Variants in EPHA6 observed in about 807,000 individuals in gnomAD.
EPHA6 encodes the protein EPH receptor A6, also known as ephrin type-A receptor 6.
Under a neutral mutation model 112.0 loss-of-function variants are expected in EPHA6, and 50 were observed. The observed-to-expected ratio is 0.45, with a 90% CI of 0.36 to 0.56. The LOEUF (loss-of-function observed/expected upper bound fraction) is 0.56. Ranked by LOEUF, EPHA6 falls within the 20% of genes least tolerant of loss-of-function variation. The probability of loss-of-function intolerance (pLI) is 0.00; values close to 1 mark genes in which losing one functional copy is unlikely to be tolerated. For missense variants in EPHA6, 1,280 were observed against 1,417.4 expected, an observed-to-expected ratio of 0.90 and a Z score of 1.56; for synonymous variants, 529 against 490.7, an observed-to-expected ratio of 1.08 and a Z score of -1.03.
chr3:97,673,194 G>A (rs532455412), intron 14 of EPHA6, among the ~76,000 whole-genome samples: 43 of 152,252 alleles, frequency 2.8e-4, no homozygotes, highest in South Asian at 6.2e-4. Flanking sequence ...AGAGTTGAAT[G>A]TATTTGGCTT....
intron 5 of EPHA6, among the ~76,000 whole-genome samples, chr3:97,363,226 ATATATATAT>A (rs2084496135): frequency 9.8e-5 from 7 of 71,080 alleles, no homozygotes; most frequent in Admixed American, 8.7e-4. Flanking sequence ...ATATATATAT[ATATATATAT>A]ATAAATCTCA....
intron 3 of EPHA6, among the ~76,000 whole-genome samples, chr3:97,158,746 C>T (rs1456500895): frequency 6.6e-6 from 1 of 152,056 alleles, no homozygotes; most frequent in Non-Finnish European, 1.5e-5. Context: ...CTGCATTTTA[C>T]ATAAGATAAC....
chr3:97,543,530 C>A (rs1307013701), intron 11 of EPHA6, among the ~76,000 whole-genome samples: 103 of 152,032 alleles, frequency 6.8e-4, no homozygotes, highest in Middle Eastern at 3.2e-3. Context: ...AGGTAGCGTG[C>A]TGCCTCCAGC....
intron 14 of EPHA6, among the ~76,000 whole-genome samples, chr3:97,678,590 A>G (rs1039208762): frequency 1.3e-5 from 2 of 152,200 alleles, no homozygotes; most frequent in African/African-American, 4.8e-5. Context: ...AGAGAATCCT[A>G]GAAAGGTGAT....
At chr3:97,458,347 C>G (rs1444470432) in intron 7 of EPHA6, among the ~76,000 whole-genome samples, 1 of 152,056 alleles carries the variant, frequency 6.6e-6, no homozygotes, top group African/African-American at 2.4e-5. Flanking sequence ...TTCATATTCT[C>G]TTATGCTTCT....
intron 7 of EPHA6, among the ~76,000 whole-genome samples, chr3:97,456,998 T>C (rs1372628749): frequency 6.6e-6 from 1 of 152,198 alleles, no homozygotes; most frequent in African/African-American, 2.4e-5. Flanking sequence ...TATTTTGATA[T>C]GGCTTTTCAA....
At chr3:97,554,268 C>T (rs191332342) in intron 11 of EPHA6, among the ~76,000 whole-genome samples, 154 of 152,162 alleles carry the variant, frequency 1.0e-3, no homozygotes, top group Non-Finnish European at 1.9e-3. Flanking sequence ...ATCCTTCTGC[C>T]ATCCAGTTGT....
chr3:97,330,268 T>G (rs1253922740), intron 5 of EPHA6, among the ~76,000 whole-genome samples: 1 of 152,186 alleles, frequency 6.6e-6, no homozygotes. Context: ...TCCAGCTTTG[T>G]TCTTTAGGCT....
At chr3:96,985,489 G>T (rs369695597) in intron 2 of EPHA6, among the ~76,000 whole-genome samples, 1 of 151,946 alleles carries the variant, frequency 6.6e-6, no homozygotes. Context: ...TGATAGTGCT[G>T]GTTTGCCTTT....
rs949402883 is a variant in EPHA6, at chr3:96,888,473, C to T, written c.450+21584C>T. Among the ~76,000 whole-genome samples the T allele has an allele frequency of 3.9e-5, 6 of 152,250 alleles. No homozygotes were observed. In the East Asian group the frequency reaches 5.8e-4, roughly 15 times the overall value. On this transcript the variant is annotated intron_variant, in intron 2 of 17. Transcript: ENST00000389672. The stretch of plus-strand genomic sequence containing the variant: ...CCCTCAGAGGGTCTGTGGGTCCTCT[C>T]GGGGTTGCTGGCCAAACCCGGATTC...
intron 4 of EPHA6, among the ~76,000 whole-genome samples, chr3:97,240,799 A>G (rs867965584): frequency 1.7e-4 from 26 of 151,966 alleles, no homozygotes; most frequent in African/African-American, 5.8e-4. Context: ...GGATTCAACA[A>G]AGTGAAGCAA....
intron 5 of EPHA6, among the ~76,000 whole-genome samples, chr3:97,366,386 T>C (rs987680106): frequency 6.6e-6 from 1 of 151,426 alleles, no homozygotes; most frequent in Admixed American, 6.6e-5. Flanking sequence ...CCTAAGTCAA[T>C]CCAGAAGGCA....
chr3:96,994,743 A>AGAGAGAGAGAGAGG (rs1260753901), intron 3 of EPHA6, among the ~76,000 whole-genome samples: 2 of 136,264 alleles, frequency 1.5e-5, no homozygotes, highest in African/African-American at 5.8e-5. Flanking sequence ...AGAGAGAGAG[A>AGAGAGAGAGAGAGG]GAGAGAGAGA....
chr3:97,729,903 C>T (rs1370019890), intron 15 of EPHA6, among the ~76,000 whole-genome samples: 1 of 151,966 alleles, frequency 6.6e-6, no homozygotes, highest in African/African-American at 2.4e-5. Flanking sequence ...AGGTTTTCCA[C>T]AAAGATGTGA....
intron 3 of EPHA6, among the ~76,000 whole-genome samples, chr3:97,153,958 G>A (rs1352201260): frequency 6.6e-6 from 1 of 151,970 alleles, no homozygotes; most frequent in East Asian, 1.9e-4. Context: ...CTGATGTCAG[G>A]AGTTCGAAAC....
intron 3 of EPHA6, among the ~76,000 whole-genome samples, chr3:97,095,181 C>A (rs962612411): frequency 4.6e-5 from 7 of 151,838 alleles, no homozygotes; most frequent in Non-Finnish European, 7.4e-5. Context: ...TAAAAAGCAT[C>A]CTGACTTTTT....
chr3:97,006,374 A>G (rs910093229), intron 3 of EPHA6, among the ~76,000 whole-genome samples: 10 of 151,812 alleles, frequency 6.6e-5, no homozygotes, highest in African/African-American at 2.4e-4. Flanking sequence ...TTTCTACTAG[A>G]TTTTCTAGTT....
At chr3:97,668,130 A>G (rs896968942) in intron 14 of EPHA6, among the ~76,000 whole-genome samples, 19 of 152,206 alleles carry the variant, frequency 1.2e-4, no homozygotes, top group African/African-American at 4.6e-4. Context: ...TATAGCCATC[A>G]AAATGCTTGA....
intron 3 of EPHA6, among the ~76,000 whole-genome samples, chr3:97,023,267 G>A (rs1006331756): frequency 3.3e-5 from 5 of 152,234 alleles, no homozygotes; most frequent in African/African-American, 1.2e-4. Context: ...TTTTAGTAGA[G>A]ACAGGGTTTC....
Sources: gnomAD v4.1 joint callset for allele counts (sites outside exome capture counted in the v4.1 genomes callset) on GRCh38, gnomAD v4.1.1 for gene constraint, MANE v1.5 for transcripts, NCBI Gene and HGNC (gene_info 2026-07-23, HGNC 2026-07-21) for gene names.